MAGI2: variants seen among roughly 807,000 people sequenced by gnomAD.
MAGI2 encodes the protein membrane associated guanylate kinase, WW and PDZ domain containing 2.
A neutral mutation model predicts 133.3 loss-of-function variants in MAGI2; 35 were observed. That is an observed-to-expected ratio of 0.26 (90% CI 0.20 to 0.35). The LOEUF (loss-of-function observed/expected upper bound fraction) is 0.35. Among genes scored for constraint, MAGI2 ranks in the 10% least tolerant of loss-of-function variants. The pLI, the probability that MAGI2 is intolerant of heterozygous loss-of-function variation, is 1.00. For missense variants in MAGI2, 1,636 were observed against 1,863.4 expected (o/e 0.88, Z 2.25); for synonymous variants, 729 against 710.6 (o/e 1.03, Z -0.41).
At chr7:78,889,485 C>T (rs557024208) in intron 2 of MAGI2, among the ~76,000 whole-genome samples, 9 of 152,258 alleles carry the variant, frequency 5.9e-5, no homozygotes, top group Admixed American at 5.9e-4. Flanking sequence ...AGAGAAAGGT[C>T]GGGTTACCCA....
At chr7:78,920,446 A>G (rs1409403748) in intron 2 of MAGI2, among the ~76,000 whole-genome samples, 2 of 152,052 alleles carry the variant, frequency 1.3e-5, no homozygotes, top group African/African-American at 4.8e-5. Flanking sequence ...AGCTTTCCTA[A>G]TGATCCACAC....
intron 2 of MAGI2, among the ~76,000 whole-genome samples, chr7:78,896,399 T>C (rs1797214455): frequency 6.6e-6 from 1 of 151,938 alleles, no homozygotes; most frequent in Non-Finnish European, 1.5e-5. Flanking sequence ...AATAAATTAA[T>C]CTGGTCGCTT....
chr7:78,169,137 A>G (rs1287400439), intron 14 of MAGI2, among the ~76,000 whole-genome samples: 1 of 152,238 alleles, frequency 6.6e-6, no homozygotes, highest in Non-Finnish European at 1.5e-5. Context: ...AAGTTTTCCC[A>G]TGTCCCATTA....
At chr7:78,480,865 C>CTT (rs1428366914) in intron 6 of MAGI2, among the ~76,000 whole-genome samples, 6 of 151,876 alleles carry the variant, frequency 4.0e-5, no homozygotes, top group Non-Finnish European at 8.8e-5. Context: ...CTAAACAAAA[C>CTT]GTGCCATATA....
At chr7:78,284,629 A>G (rs1341401914) in intron 9 of MAGI2, among the ~76,000 whole-genome samples, 2 of 152,126 alleles carry the variant, frequency 1.3e-5, no homozygotes, top group Non-Finnish European at 2.9e-5. Context: ...AAGGAATAAT[A>G]TAGTTCACTG....
intron 1 of MAGI2, among the ~76,000 whole-genome samples, chr7:79,048,113 G>C (rs1443236773): frequency 2.6e-5 from 4 of 152,098 alleles, no homozygotes; most frequent in Non-Finnish European, 4.4e-5. Context: ...GCTTAATAAA[G>C]TCTGTATTCT....
chr7:79,051,878 T>C (rs1182461866), intron 1 of MAGI2, among the ~76,000 whole-genome samples: 1 of 152,124 alleles, frequency 6.6e-6, no homozygotes, highest in Non-Finnish European at 1.5e-5. Context: ...TAGTTTTCTC[T>C]TTCTATTTGG....
At chr7:78,335,566 GA>G (rs1041347361) in intron 9 of MAGI2, among the ~76,000 whole-genome samples, 74 of 152,130 alleles carry the variant, frequency 4.9e-4, no homozygotes, top group African/African-American at 1.7e-3. Context: ...AGGTATGTGA[GA>G]AAAAGAGGAT....
intron 2 of MAGI2, among the ~76,000 whole-genome samples, chr7:78,911,428 C>T (rs1461091781): frequency 2.0e-5 from 3 of 152,028 alleles, no homozygotes; most frequent in Non-Finnish European, 4.4e-5. Flanking sequence ...GGAGTAGTGC[C>T]TTTACAAAAA....
chr7:78,670,006 T>C (rs1402306761), intron 2 of MAGI2, among the ~76,000 whole-genome samples: 1 of 151,584 alleles, frequency 6.6e-6, no homozygotes, highest in Non-Finnish European at 1.5e-5. Flanking sequence ...CTTTGAAAAC[T>C]GGCAAAAGAC....
chr7:78,703,825 CACACACAA>C (rs780795616), intron 2 of MAGI2, among the ~76,000 whole-genome samples: 47 of 84,760 alleles, frequency 5.5e-4, no homozygotes, highest in East Asian at 1.9e-3. Flanking sequence ...CACACACATA[CACACACAA>C]ACACACACAC....
chr7:78,071,980 C>T (rs542028897), intron 21 of MAGI2, among the ~76,000 whole-genome samples: 4 of 152,198 alleles, frequency 2.6e-5, no homozygotes, highest in Non-Finnish European at 4.4e-5. Context: ...CAGTGGTGAC[C>T]GTCCTTTGTC....
chr7:79,321,954 C>A (rs953262637), intron 1 of MAGI2, among the ~76,000 whole-genome samples: 2 of 152,088 alleles, frequency 1.3e-5, no homozygotes, highest in African/African-American at 4.8e-5. Context: ...GAATGCAAGT[C>A]CTTGATCAGA....
intron 1 of MAGI2, among the ~76,000 whole-genome samples, chr7:79,263,451 A>G (rs568617073): frequency 1.3e-5 from 2 of 152,220 alleles, no homozygotes; most frequent in East Asian, 1.9e-4. Flanking sequence ...GCTAATAACT[A>G]AAAGAATCTC....
At chr7:79,074,118 G>A (rs1026750912) in intron 1 of MAGI2, among the ~76,000 whole-genome samples, 7 of 152,108 alleles carry the variant, frequency 4.6e-5, no homozygotes, top group East Asian at 1.9e-4. Context: ...ATTTTATCTC[G>A]CTTGTCACTT....
intron 2 of MAGI2, among the ~76,000 whole-genome samples, chr7:78,866,008 A>G (rs1016485060): frequency 6.6e-6 from 1 of 152,186 alleles, no homozygotes; most frequent in East Asian, 1.9e-4. Flanking sequence ...TGTTTCTTAG[A>G]AGAGAGAGAG....
At chr7:78,924,467 C>T (rs2151641758) in intron 2 of MAGI2, among the ~76,000 whole-genome samples, 1 of 152,096 alleles carries the variant, frequency 6.6e-6, no homozygotes, top group Admixed American at 6.6e-5. Context: ...TGGTTTTTGT[C>T]TTTGGTTCTG....
chr7:78,604,302 A>G (rs62468654), intron 3 of MAGI2, among the ~76,000 whole-genome samples: 13,037 of 152,162 alleles, frequency 0.086, 784 homozygotes, highest in Non-Finnish European at 0.13. Flanking sequence ...CAGGTGGCTG[A>G]AGTATGTTGA....
At chr7:78,258,996 A>G (rs1793268172) in intron 9 of MAGI2, among the ~76,000 whole-genome samples, 1 of 152,170 alleles carries the variant, frequency 6.6e-6, no homozygotes, top group South Asian at 2.1e-4. Context: ...TCTGATCGGT[A>G]GTGTGTTGAA....
Sources: gnomAD v4.1 joint callset for allele counts (sites outside exome capture counted in the v4.1 genomes callset) on GRCh38, gnomAD v4.1.1 for gene constraint, MANE v1.5 for transcripts, NCBI Gene and HGNC (gene_info 2026-07-23, HGNC 2026-07-21) for gene names.